The following LRIG2 variants were observed in gnomAD, a reference collection of about 807,000 sequenced individuals.
The protein encoded by LRIG2 is leucine-rich repeats and immunoglobulin-like domains protein 2.
LRIG2 carries 93 observed loss-of-function variants against 107.8 expected under a neutral mutation model. That is an observed-to-expected ratio of 0.86 (90% confidence interval 0.73 to 1.03). The LOEUF (loss-of-function observed/expected upper bound fraction) is 1.03. Ranked by LOEUF, LRIG2 falls within the 50% of genes least tolerant of loss-of-function variation. The probability of loss-of-function intolerance (pLI) is 0.00; values close to 1 mark genes in which losing one functional copy is unlikely to be tolerated. For missense variants in LRIG2, 1,226 were observed against 1,296.0 expected (o/e 0.95, Z 0.83); for synonymous variants, 471 against 470.6 (o/e 1.00, Z -0.01).
chr1:113,114,777 ATTG>A lies in LRIG2; in HGVS notation c.2436_2438del (p.Val814del). On this transcript the variant is annotated inframe_deletion, in exon 15 of 18. Transcript: ENST00000361127. ...CTGGACCACAGTTGGCATTGTCATC[ATTG>A]TTGTGGTCTGCTGTGTTGTTGGCAC... 1.9e-6 allele frequency: 3 copies of A among 1,614,114 alleles called. No individual in the cohort carries two copies. The highest frequency in any genetic ancestry group is 2.2e-5 in the South Asian group (2 of 91,082).
chr1:113,082,423 C>A (rs1653330382), intron 1 of LRIG2, among the ~76,000 whole-genome samples: 1 of 152,260 alleles, frequency 6.6e-6, no homozygotes. Flanking sequence ...TTAAATCAGA[C>A]TGGGTAATTT....
chr1:113,104,324 G>T (rs1443885433), intron 11 of LRIG2, among the ~76,000 whole-genome samples: 1 of 152,026 alleles, frequency 6.6e-6, no homozygotes, highest in Non-Finnish European at 1.5e-5. Context: ...TGGGACTGTA[G>T]GCCCCCCACC....
intron 11 of LRIG2, among the ~76,000 whole-genome samples, chr1:113,106,668 C>A (rs1654553440): frequency 6.6e-6 from 1 of 151,980 alleles, no homozygotes. Context: ...CCACGCCCAG[C>A]TAATTTTTGT....
At chr1:113,105,655 G>T (rs919357444) in intron 11 of LRIG2, among the ~76,000 whole-genome samples, 3 of 152,184 alleles carry the variant, frequency 2.0e-5, no homozygotes, top group African/African-American at 7.2e-5. Context: ...GCTCATGCCT[G>T]TAATCCCAGA....
At chr1:113,123,727 T>TTTTTTGTGTGTGTGTGTG in intron 17 of LRIG2, 148 bp from the exon 18 acceptor site, 1 of 596,548 alleles carries the variant, frequency 1.7e-6, no homozygotes. Flanking sequence ...GTGGTGGTTT[T>TTTTTTGTGTGTGTGTGTG]TGTGTGTGTG....
At position 113,128,477 on chromosome 1, in the gene LRIG2, G is replaced by T. The variant is rs1315430117; in HGVS notation, c.*4376G>T. 1 of 152,154 alleles carries T rather than the reference G, an allele frequency of 6.6e-6. No individual in the cohort carries two copies. Among genetic ancestry groups the T allele is most frequent in the African/African-American group, 2.4e-5 (1 of 41,430 alleles). The allele number at this position is 152,154 out of a possible 1,614,324, so 9.4% of individuals were successfully genotyped here. A position where few individuals can be genotyped will look rare whatever the true frequency, so the allele number is the denominator to read the frequency against. ...ATGAAATGAGGACATTTTTCTAGAT[G>T]CTGTAAAGCCCTTTCCAGCTGTAAC... is the stretch of plus-strand genomic sequence containing the variant. On this transcript the variant is annotated 3_prime_UTR_variant, in exon 18 of 18. Coordinates refer to ENST00000361127, the MANE Select transcript of LRIG2 (RefSeq NM_014813.3).
intron 1 of LRIG2, among the ~76,000 whole-genome samples, chr1:113,074,956 G>A (rs146106032): frequency 0.017 from 2,521 of 151,440 alleles, 82 homozygotes; most frequent in African/African-American, 0.058. Flanking sequence ...GGTGGCTCAC[G>A]CTTGTAATCC....
intron 13 of LRIG2, 105 bp from the exon 14 acceptor site, chr1:113,112,374 C>T (rs1654805815): frequency 1.0e-6 from 1 of 957,162 alleles, no homozygotes; most frequent in African/African-American, 1.6e-5. Flanking sequence ...AGAAATGGAA[C>T]ATTAGGGGGT....
At position 113,128,327 on chromosome 1, in the gene LRIG2, A is replaced by C. The variant is rs1220822250; in HGVS notation, c.*4226A>C. 2 of 151,960 alleles carry C rather than the reference A, an allele frequency of 1.3e-5. No individual in the cohort carries two copies. The highest frequency in any genetic ancestry group is 4.8e-5 in the African/African-American group (2 of 41,322). 9.4% of individuals were successfully genotyped at this position (151,960 alleles called of 1,614,324 possible). On this transcript the variant is annotated 3_prime_UTR_variant, in exon 18 of 18. Transcript: ENST00000361127. Reference sequence around the variant, plus strand: ...CGATCCCTCTTCTTCCTTTCTTACTAGATTATGGTGTAGTTTGTACTAGAC... The same window carrying C: ...CGATCCCTCTTCTTCCTTTCTTACTCGATTATGGTGTAGTTTGTACTAGAC...
rs758154949 is a variant in LRIG2 at position 113,073,416 on chromosome 1, G to A, written c.10G>A (p.Ala4Thr). The change falls in exon 1 of 18, where the codon GCG (alanine) becomes ACG (threonine). Residue 4 changes from alanine to threonine, a missense_variant. Transcript: ENST00000361127. ...CAGGTCGAGGGGGAAAATGGCGCCG[G>A]CGCCCCTAGGCGTCCCGGAGGAGCA... MAP[A>T]PLGVPEEQLL... is the part of the protein sequence containing the mutation. 2 of 1,613,498 alleles carry A rather than the reference G, an allele frequency of 1.2e-6. No homozygotes were observed. Among genetic ancestry groups the A allele is most frequent in the Non-Finnish European group, 8.5e-7 (1 of 1,179,550 alleles).
At chr1:113,083,737 G>A (rs530759070) in intron 1 of LRIG2, among the ~76,000 whole-genome samples, 1 of 151,292 alleles carries the variant, frequency 6.6e-6, no homozygotes, top group East Asian at 2.0e-4. Flanking sequence ...TTCTGGACTG[G>A]TAACGTTCTC....
chr1:113,124,987 C>T lies in LRIG2; in HGVS notation c.*886C>T, dbSNP rs1655425522. ...ACCAGGCTGGGCAACATGGTGAGAC[C>T]CTGTGTCTGCAAAAAAATAAATTAA... On this transcript the variant is annotated 3_prime_UTR_variant, in exon 18 of 18. Transcript: ENST00000361127. 6.6e-6 allele frequency: 1 copy of T among 151,666 alleles called. No homozygotes were observed. Among genetic ancestry groups the T allele is most frequent in the Non-Finnish European group, 1.5e-5 (1 of 67,980 alleles). 9.4% of individuals were successfully genotyped at this position (151,666 alleles called of 1,614,324 possible). A position where few individuals can be genotyped will look rare whatever the true frequency, so the allele number is the denominator to read the frequency against.
chr1:113,103,818 A>C (rs1654411876), intron 11 of LRIG2: 2 of 152,172 alleles, frequency 1.3e-5, no homozygotes, highest in South Asian at 4.2e-4. Context: ...AAGATTGTGA[A>C]TATATTCTCT....
intron 17 of LRIG2, among the ~76,000 whole-genome samples, chr1:113,122,075 CTTTTTTTTT>C (rs758568453): frequency 2.3e-5 from 2 of 87,084 alleles, no homozygotes; most frequent in East Asian, 3.9e-4. Context: ...TTAGGCTCAC[CTTTTTTTTT>C]TTTTTTTTTT....
At chr1:113,080,123 C>T (rs1320384528) in intron 1 of LRIG2, among the ~76,000 whole-genome samples, 3 of 145,534 alleles carry the variant, frequency 2.1e-5, no homozygotes, top group Admixed American at 1.4e-4. Flanking sequence ...CAGGTTCAAG[C>T]GATTCTCCTG....
At chr1:113,091,472 C>A in intron 2 of LRIG2, 89 bp downstream of exon 2, 1 of 770,340 alleles carries the variant, frequency 1.3e-6, no homozygotes, top group Non-Finnish European at 2.0e-6. Flanking sequence ...TCCAGAGATG[C>A]CATAAAAAAA....
In LRIG2 at chr1:113,124,564, GA is replaced by G. The variant is rs1655408554; in HGVS notation, c.*464del. 6.3e-6 allele frequency: 1 copy of G among 159,416 alleles called. No homozygotes were observed. The highest frequency in any genetic ancestry group is 2.4e-5 in the African/African-American group (1 of 41,524). 9.9% of individuals were successfully genotyped at this position (159,416 alleles called of 1,614,324 possible). On this transcript the variant is annotated 3_prime_UTR_variant, in exon 18 of 18. Coordinates refer to ENST00000361127, the MANE Select transcript of LRIG2 (RefSeq NM_014813.3). Reference sequence around the variant, plus strand: ...TGGGATTCTTCAGTGGTTTCAGGCAGATAGTTGAGACTGGGGCTTTGATATT... The same window carrying G: ...TGGGATTCTTCAGTGGTTTCAGGCAGTAGTTGAGACTGGGGCTTTGATATT...
Position 113,093,489 on chromosome 1 carries a change from A to C in LRIG2, c.440A>C (p.Glu147Ala). The change falls in exon 4 of 18, where the codon GAG becomes GCG. Residue 147 changes from glutamate to alanine, a missense_variant. This residue lies in a region of LRIG2 where 570 missense variants were observed against 550.2 expected (regional missense o/e 1.04). Transcript: ENST00000361127. ...AQALQFYPAL[E>A]SLDLSSNIIS... is the part of the protein sequence containing the mutation. ...GCACTCCAGTTTTACCCTGCTCTGG[A>C]GAGTTTAGACCTCAGCTCAAATATA... 6.2e-7 allele frequency: 1 copy of C among 1,612,906 alleles called. No homozygotes were observed. The highest frequency in any genetic ancestry group is 8.5e-7 in the Non-Finnish European group (1 of 1,178,970).
intron 15 of LRIG2, among the ~76,000 whole-genome samples, chr1:113,115,833 A>C (rs1400314319): frequency 6.6e-6 from 1 of 152,148 alleles, no homozygotes; most frequent in Non-Finnish European, 1.5e-5. Context: ...GCCAAACTTT[A>C]CTTCTAAAAA....
Sources: gnomAD v4.1 joint callset for allele counts (sites outside exome capture counted in the v4.1 genomes callset) on GRCh38, gnomAD v4.1.1 for gene constraint, gnomAD v4.1.1 regional missense constraint, MANE v1.5 for transcripts, NCBI Gene and HGNC (gene_info 2026-07-23, HGNC 2026-07-21) for gene names.